Variants in CNTNAP5 observed in about 807,000 individuals in gnomAD.
CNTNAP5 encodes contactin-associated protein-like 5.
CNTNAP5 carries 72 observed loss-of-function variants against 150.2 expected under a neutral mutation model. That is an observed-to-expected ratio of 0.48 (90% confidence interval 0.40 to 0.58). CNTNAP5 has a LOEUF of 0.58. Among genes scored for constraint, CNTNAP5 ranks in the 20% least tolerant of loss-of-function variants. The pLI, the probability that CNTNAP5 is intolerant of heterozygous loss-of-function variation, is 0.00. For synonymous variants in CNTNAP5, 672 were observed against 619.8 expected (o/e 1.08, Z -1.25); for missense variants, 1,636 against 1,626.2 (o/e 1.01, Z -0.10).
In CNTNAP5 at chr2:124,523,072, C is replaced by A. The variant is rs114927466; in HGVS notation, c.1328-1231C>A. 2.8e-3 allele frequency among the ~76,000 whole-genome samples: 424 copies of A among 152,270 alleles called. 2 individuals carry two copies. Among genetic ancestry groups the A allele is most frequent in the South Asian group, 0.025 (120 of 4,824 alleles). On this transcript the variant is annotated intron_variant, in intron 8 of 23. Coordinates refer to ENST00000682447, the MANE Select transcript of CNTNAP5 (RefSeq NM_001367498.1). ...TCTCTGCCTTTTAACAATGGACTAC[C>A]CTAGGGTAGAGATCATGTGATGTTA...
At chr2:124,462,251 T>C (rs1260164251) in intron 6 of CNTNAP5, among the ~76,000 whole-genome samples, 2 of 152,134 alleles carry the variant, frequency 1.3e-5, no homozygotes, top group Non-Finnish European at 2.9e-5. Context: ...TGTCTGGAGA[T>C]ACAAGCACAG....
intron 1 of CNTNAP5, among the ~76,000 whole-genome samples, chr2:124,053,976 G>C (rs1372055454): frequency 2.0e-5 from 3 of 152,108 alleles, no homozygotes; most frequent in African/African-American, 7.2e-5. Flanking sequence ...CTGAGGAATT[G>C]GAATGAAACA....
intron 1 of CNTNAP5, among the ~76,000 whole-genome samples, chr2:124,064,126 C>T (rs146651278): frequency 5.9e-5 from 9 of 152,164 alleles, no homozygotes; most frequent in Admixed American, 2.0e-4. Flanking sequence ...GCTAAATTAG[C>T]GACTTCGAAG....
intron 13 of CNTNAP5, among the ~76,000 whole-genome samples, chr2:124,667,533 T>C (rs1678725671): frequency 6.6e-6 from 1 of 152,230 alleles, no homozygotes; most frequent in Non-Finnish European, 1.5e-5. Context: ...CGTTGGGTTT[T>C]GGTGGGTGTG....
intron 1 of CNTNAP5, among the ~76,000 whole-genome samples, chr2:124,099,622 A>G (rs1380011450): frequency 1.3e-5 from 2 of 152,172 alleles, no homozygotes; most frequent in African/African-American, 4.8e-5. Context: ...AATATCTGAA[A>G]CTGGGCAATT....
chr2:124,657,388 C>T (rs1049472751), intron 13 of CNTNAP5, among the ~76,000 whole-genome samples: 3 of 152,012 alleles, frequency 2.0e-5, no homozygotes, highest in African/African-American at 7.2e-5. Flanking sequence ...ACCTACGATT[C>T]CTTCCTCTTC....
At chr2:124,910,128 A>G (rs1438369223) in intron 22 of CNTNAP5, among the ~76,000 whole-genome samples, 3 of 151,810 alleles carry the variant, frequency 2.0e-5, no homozygotes, top group Non-Finnish European at 4.4e-5. Context: ...AATGGCATAA[A>G]CTACCACACT....
At chr2:124,339,056 G>A (rs1369685267) in intron 3 of CNTNAP5, among the ~76,000 whole-genome samples, 6 of 152,194 alleles carry the variant, frequency 3.9e-5, no homozygotes, top group African/African-American at 1.4e-4. Context: ...AAAGGAAGAG[G>A]ACTATTCTTG....
chr2:124,140,381 G>A (rs1446239056), intron 1 of CNTNAP5, among the ~76,000 whole-genome samples: 3 of 150,166 alleles, frequency 2.0e-5, no homozygotes, highest in South Asian at 2.1e-4. Flanking sequence ...GCAGACTTAA[G>A]TGTCCCTGTC....
chr2:124,402,058 G>C (rs2104759477), intron 3 of CNTNAP5, among the ~76,000 whole-genome samples: 1 of 152,322 alleles, frequency 6.6e-6, no homozygotes, highest in South Asian at 2.1e-4. Flanking sequence ...GAGTGTATTA[G>C]GAGACTCTAT....
chr2:124,741,809 C>T (rs2105138808), intron 13 of CNTNAP5, among the ~76,000 whole-genome samples: 1 of 152,178 alleles, frequency 6.6e-6, no homozygotes, highest in East Asian at 1.9e-4. Context: ...GCTTTTACTT[C>T]CTCTCCCTCC....
chr2:124,272,525 GACA>G (rs1687785368), intron 3 of CNTNAP5, among the ~76,000 whole-genome samples: 1 of 152,134 alleles, frequency 6.6e-6, no homozygotes, highest in Non-Finnish European at 1.5e-5. Context: ...GAAACAGAGA[GACA>G]ACATGTTAAA....
At chr2:124,541,019 C>T (rs1695369250) in intron 10 of CNTNAP5, among the ~76,000 whole-genome samples, 2 of 151,960 alleles carry the variant, frequency 1.3e-5, no homozygotes, top group Non-Finnish European at 1.5e-5. Context: ...GTACAGAGGT[C>T]GCTGCAAACT....
intron 1 of CNTNAP5, among the ~76,000 whole-genome samples, chr2:124,185,825 G>C (rs1249268252): frequency 3.3e-5 from 5 of 152,172 alleles, no homozygotes; most frequent in Non-Finnish European, 7.3e-5. Flanking sequence ...TTCCCAGGGA[G>C]GGGGATTGTG....
At chr2:124,136,159 C>A (rs2104609314) in intron 1 of CNTNAP5, among the ~76,000 whole-genome samples, 1 of 152,254 alleles carries the variant, frequency 6.6e-6, no homozygotes, top group African/African-American at 2.4e-5. Context: ...ATCACCTGAC[C>A]CTCTCAAGGA....
At chr2:124,028,896 A>G (rs1283248766) in intron 1 of CNTNAP5, among the ~76,000 whole-genome samples, 1 of 152,140 alleles carries the variant, frequency 6.6e-6, no homozygotes, top group African/African-American at 2.4e-5. Flanking sequence ...TACTGAGAAA[A>G]TTATTTAAAT....
chr2:124,893,258 G>A (rs1678236733), intron 21 of CNTNAP5, among the ~76,000 whole-genome samples: 1 of 151,960 alleles, frequency 6.6e-6, no homozygotes, highest in Admixed American at 6.6e-5. Context: ...TTTAAAATGG[G>A]CAGAGTAACA....
At chr2:124,544,260 G>A (rs1435252906) in intron 10 of CNTNAP5, among the ~76,000 whole-genome samples, 1 of 152,136 alleles carries the variant, frequency 6.6e-6, no homozygotes, top group African/African-American at 2.4e-5. Flanking sequence ...GAAAAAAAAT[G>A]TGTCAAATAA....
chr2:124,319,570 C>T (rs1050096478), intron 3 of CNTNAP5, among the ~76,000 whole-genome samples: 1 of 152,150 alleles, frequency 6.6e-6, no homozygotes, highest in Non-Finnish European at 1.5e-5. Flanking sequence ...GTCATAGACT[C>T]CTTTTAGAAA....
Sources: gnomAD v4.1 joint callset for allele counts (sites outside exome capture counted in the v4.1 genomes callset) on GRCh38, gnomAD v4.1.1 for gene constraint, MANE v1.5 for transcripts, NCBI Gene and HGNC (gene_info 2026-07-23, HGNC 2026-07-21) for gene names.